Variants in TFDP2 observed in about 807,000 individuals in gnomAD.
TFDP2 encodes the protein transcription factor Dp-2.
In TFDP2, 17 loss-of-function variants were observed where a neutral mutation model predicts 59.3. The ratio of observed to expected loss-of-function variants is 0.29; its 90% CI spans 0.20 to 0.43. The LOEUF is 0.43. Ranked by LOEUF, TFDP2 falls within the 20% of genes least tolerant of loss-of-function variation. TFDP2 has a pLI of 1.00. For missense variants in TFDP2, 391 were observed against 528.8 expected (o/e 0.74, Z 2.56); for synonymous variants, 180 against 194.7 (o/e 0.92, Z 0.63).
chr3:141,950,476 G>C lies in TFDP2; in HGVS notation c.*2037C>G, dbSNP rs1018800499. On this transcript the variant is annotated 3_prime_UTR_variant, in exon 13 of 13. Transcript: ENST00000489671. ...AAAGCATGAGAGCAGCAGAGATGGAGAGTAGAGAAAAAAACAGGTTTCCCA... is the reference window on the plus strand; with the variant it reads ...AAAGCATGAGAGCAGCAGAGATGGACAGTAGAGAAAAAAACAGGTTTCCCA... 5.2e-5 allele frequency: 8 copies of C among 152,562 alleles called. No individual in the cohort carries two copies. The highest frequency in any genetic ancestry group is 8.8e-5 in the Non-Finnish European group (6 of 68,030). The allele number at this position is 152,562 out of a possible 1,614,324, so 9.5% of individuals were successfully genotyped here. A position where few individuals can be genotyped will look rare whatever the true frequency, so the allele number is the denominator to read the frequency against.
intron 10 of TFDP2, among the ~76,000 whole-genome samples, chr3:141,962,921 A>G (rs986928243): frequency 6.6e-6 from 1 of 152,242 alleles, no homozygotes; most frequent in African/African-American, 2.4e-5. Flanking sequence ...AATAAACTAT[A>G]GGCTGACCTT....
At chr3:142,104,706 T>C (rs534705299) in intron 1 of TFDP2, among the ~76,000 whole-genome samples, 10 of 152,244 alleles carry the variant, frequency 6.6e-5, no homozygotes, top group African/African-American at 2.2e-4. Context: ...AAAAAACTTA[T>C]AAAATCCAGC....
At chr3:142,141,540 A>G (rs2062964651) in intron 1 of TFDP2, among the ~76,000 whole-genome samples, 1 of 152,190 alleles carries the variant, frequency 6.6e-6, no homozygotes, top group Non-Finnish European at 1.5e-5. Context: ...TCAAAAGAAC[A>G]TAGGCCAGGT....
chr3:142,130,881 A>C (rs548250651), intron 1 of TFDP2, among the ~76,000 whole-genome samples: 2 of 151,880 alleles, frequency 1.3e-5, no homozygotes, highest in South Asian at 2.1e-4. Context: ...GTGAAACCTC[A>C]TCTCTACTAA....
chr3:142,126,298 C>A (rs963331398), intron 1 of TFDP2: 1 of 151,802 alleles, frequency 6.6e-6, no homozygotes, highest in Non-Finnish European at 1.5e-5. Flanking sequence ...CCTGCCTCAG[C>A]CTCCCGAGTA....
chr3:142,101,895 T>A (rs2061328000), intron 1 of TFDP2, 54 bp from the exon 2 acceptor site: 1 of 460,642 alleles, frequency 2.2e-6, no homozygotes, highest in Non-Finnish European at 3.8e-6. Context: ...TAGGCAACAT[T>A]TATGTCATAT....
chr3:142,069,038 C>G (rs1008584629), intron 3 of TFDP2, among the ~76,000 whole-genome samples: 2 of 152,014 alleles, frequency 1.3e-5, no homozygotes, highest in African/African-American at 4.8e-5. Flanking sequence ...GCCTCAGTCT[C>G]CTGAGTAGCT....
intron 2 of TFDP2, among the ~76,000 whole-genome samples, chr3:142,094,603 C>T (rs896367635): frequency 6.6e-6 from 1 of 152,094 alleles, no homozygotes; most frequent in African/African-American, 2.4e-5. Flanking sequence ...CCACGCCCAG[C>T]CCTCAAACTA....
chr3:142,103,779 C>T (rs7426584), intron 1 of TFDP2, among the ~76,000 whole-genome samples: 135,563 of 152,226 alleles, frequency 0.89, 60,614 homozygotes, highest in African/African-American at 0.97. Flanking sequence ...AACTTAACTT[C>T]GCAAAGATCA....
At chr3:142,093,946 C>T (rs757296360) in intron 2 of TFDP2, 3 of 512,338 alleles carry the variant, frequency 5.9e-6, no homozygotes, top group African/African-American at 5.8e-5. Context: ...CAATCCATGT[C>T]AGCATACGTT....
chr3:142,052,018 C>T (rs994075877), intron 3 of TFDP2, among the ~76,000 whole-genome samples: 3 of 151,770 alleles, frequency 2.0e-5, no homozygotes, highest in East Asian at 3.9e-4. Context: ...CCCAGCTACC[C>T]GGGAGGCTGA....
chr3:142,001,296 T>TTGGGCCTAC (rs1466349168), intron 4 of TFDP2, among the ~76,000 whole-genome samples: 5 of 152,208 alleles, frequency 3.3e-5, no homozygotes, highest in Admixed American at 1.3e-4. Flanking sequence ...GCCACTATAC[T>TTGGGCCTAC]TGGGCCTACT....
Position 142,060,613 on chromosome 3 carries a change from A to T in TFDP2, c.82+32448T>A, listed in dbSNP as rs139101031. Among the ~76,000 whole-genome samples the T allele has an allele frequency of 1.3e-3, 192 of 152,260 alleles. 1 individual carries two copies. Among genetic ancestry groups the T allele is most frequent in the African/African-American group, 4.4e-3 (181 of 41,558 alleles). ...TTTAAATTATACTTAAATATATAAA[A>T]ATGTGTGTGTGGAGGGGGGCAGTTT... On this transcript the variant is annotated intron_variant, in intron 3 of 12. Coordinates refer to ENST00000489671, the MANE Select transcript of TFDP2 (RefSeq NM_001178139.2).
chr3:142,044,585 G>T (rs1404377031), intron 3 of TFDP2, among the ~76,000 whole-genome samples: 1 of 151,786 alleles, frequency 6.6e-6, no homozygotes, highest in Non-Finnish European at 1.5e-5. Context: ...TGGCCAGGCT[G>T]GTCTCGAACT....
chr3:142,034,090 C>CTTTTT (rs34769821), intron 3 of TFDP2, among the ~76,000 whole-genome samples: 2 of 93,788 alleles, frequency 2.1e-5, no homozygotes, highest in Admixed American at 1.3e-4. Context: ...TTTGCACCAA[C>CTTTTT]TTTTTTTTTT....
intron 1 of TFDP2, among the ~76,000 whole-genome samples, chr3:142,113,201 G>A (rs1382918805): frequency 6.6e-6 from 1 of 152,118 alleles, no homozygotes; most frequent in African/African-American, 2.4e-5. Flanking sequence ...CATCACAAAT[G>A]TTAAGACTTA....
intron 2 of TFDP2, among the ~76,000 whole-genome samples, chr3:142,094,372 T>C (rs2108623766): frequency 6.6e-6 from 1 of 151,852 alleles, no homozygotes; most frequent in East Asian, 1.9e-4. Flanking sequence ...TGGCACCATC[T>C]TGGCTCACTG....
chr3:142,097,492 AC>A (rs1484136243), intron 2 of TFDP2, among the ~76,000 whole-genome samples: 1 of 152,068 alleles, frequency 6.6e-6, no homozygotes, highest in Non-Finnish European at 1.5e-5. Context: ...AGAGTTTGAG[AC>A]CAGCCTTAAG....
At chr3:142,101,625 A>T (rs1156477812) in intron 2 of TFDP2, 110 bp downstream of exon 2, 1 of 657,976 alleles carries the variant, frequency 1.5e-6, no homozygotes. Flanking sequence ...ACAATTATAA[A>T]TCCATGCAAG....
Sources: allele counts gnomAD v4.1 joint callset (sites outside exome capture counted in the v4.1 genomes callset), GRCh38; gene constraint gnomAD v4.1.1; transcripts MANE v1.5; gene names NCBI Gene and HGNC (gene_info 2026-07-23, HGNC 2026-07-21).